AGPAT4: variants seen among roughly 807,000 people sequenced by gnomAD.
The protein encoded by AGPAT4 is 1-acyl-sn-glycerol-3-phosphate acyltransferase delta.
A neutral mutation model predicts 48.0 loss-of-function variants in AGPAT4; 15 were observed. The observed-to-expected ratio is 0.31, with a 90% CI of 0.21 to 0.48. The LOEUF is 0.48. AGPAT4 is among the 20% of genes least tolerant of loss of function. AGPAT4 has a pLI of 0.99. For synonymous variants in AGPAT4, 178 were observed against 198.7 expected (o/e 0.90, Z 0.88); for missense variants, 314 against 482.5 (o/e 0.65, Z 3.27).
rs1286652960 is a variant in AGPAT4 at position 161,218,505 on chromosome 6, A to G, written c.178+13531T>C. On this transcript the variant is annotated intron_variant, in intron 2 of 8. Transcript: ENST00000320285. This position sits in a 1 kb window ranked among gnomAD's most constrained non-coding sequence, Gnocchi z 4.7. The stretch of plus-strand genomic sequence containing the variant: ...TACAATTTATTTCCCTCATCTTACA[A>G]TTAAAAAACCAAACCCAGGTAAGTT... 1.3e-5 allele frequency among the ~76,000 whole-genome samples: 2 copies of G among 152,186 alleles called. No individual in the cohort carries two copies.
In AGPAT4 at chr6:161,161,102, G is replaced by C. The variant is rs1043707934; in HGVS notation, c.348+5146C>G. On this transcript the variant is annotated intron_variant, in intron 3 of 8. Coordinates refer to ENST00000320285, the MANE Select transcript of AGPAT4 (RefSeq NM_020133.3). The surrounding 1 kb of genome is among the most constrained non-coding windows in gnomAD (Gnocchi z 4.6). ...GCTGTGACCGTTTGCTGAGGGCTGCGCACAGAGGAGGAGGAAGCCCCAAGC... is the reference window on the plus strand; with the variant it reads ...GCTGTGACCGTTTGCTGAGGGCTGCCCACAGAGGAGGAGGAAGCCCCAAGC... 2.2e-6 allele frequency: 1 copy of C among 456,694 alleles called. No individual in the cohort carries two copies. Among genetic ancestry groups the C allele is most frequent in the Admixed American group, 2.3e-5 (1 of 42,578 alleles). The allele number at this position is 456,694 out of a possible 1,614,324, so 28.3% of individuals were successfully genotyped here. A position where few individuals can be genotyped will look rare whatever the true frequency, so the allele number is the denominator to read the frequency against.
intron 8 of AGPAT4, 104 bp from the exon 9 acceptor site, chr6:161,136,738 C>A: frequency 1.0e-6 from 1 of 962,392 alleles, no homozygotes. Flanking sequence ...TCACAAGCGC[C>A]AGCTCAGAGC....
At chr6:161,203,025 C>T (rs1435187418) in intron 2 of AGPAT4, among the ~76,000 whole-genome samples, 2 of 152,202 alleles carry the variant, frequency 1.3e-5, no homozygotes, top group Non-Finnish European at 1.5e-5. Context: ...AACCAGGCAT[C>T]CTGGAGCACA....
Position 161,136,246 on chromosome 6 carries a change from A to T in AGPAT4, c.*294T>A. On this transcript the variant is annotated 3_prime_UTR_variant, in exon 9 of 9. Coordinates refer to ENST00000320285, the MANE Select transcript of AGPAT4 (RefSeq NM_020133.3). Reference sequence around the variant, plus strand: ...CCAGCCCTGCCCTCCCCTGCAGCCTAAAATACCCTTTCTATGATCACAGAA... The same window carrying T: ...CCAGCCCTGCCCTCCCCTGCAGCCTTAAATACCCTTTCTATGATCACAGAA... 1 of 383,160 alleles carries T rather than the reference A, an allele frequency of 2.6e-6. No individual in the cohort carries two copies. Among genetic ancestry groups the T allele is most frequent in the Non-Finnish European group, 4.8e-6 (1 of 206,782 alleles). 23.7% of individuals were successfully genotyped at this position (383,160 alleles called of 1,614,324 possible). A position where few individuals can be genotyped will look rare whatever the true frequency, so the allele number is the denominator to read the frequency against.
At position 161,225,256 on chromosome 6, in the gene AGPAT4, C is replaced by T. The variant is rs1442316904; in HGVS notation, c.178+6780G>A. Among the ~76,000 whole-genome samples the T allele has an allele frequency of 6.6e-6, 1 of 152,206 alleles. No homozygotes were observed. ...TCCCGCCAAACCACTCACCCCGTCACTCTCTTTAAATTAGCCAATCAGAAT... is the reference window on the plus strand; with the variant it reads ...TCCCGCCAAACCACTCACCCCGTCATTCTCTTTAAATTAGCCAATCAGAAT... On this transcript the variant is annotated intron_variant, in intron 2 of 8. Transcript: ENST00000320285. This position sits in a 1 kb window ranked among gnomAD's most constrained non-coding sequence, Gnocchi z 5.0.
rs1781046412 is a variant in AGPAT4 at position 161,195,573 on chromosome 6, C to T, written c.179-29156G>A. 6.6e-6 allele frequency among the ~76,000 whole-genome samples: 1 copy of T among 152,194 alleles called. No individual in the cohort carries two copies. The highest frequency in any genetic ancestry group is 1.5e-5 in the Non-Finnish European group (1 of 68,038). On this transcript the variant is annotated intron_variant, in intron 2 of 8. Transcript: ENST00000320285. The surrounding 1 kb of genome is among the most constrained non-coding windows in gnomAD (Gnocchi z 5.0). ...AGTTCACTCAGCAAGCCCATGATGCCTGTAGTATAAAAGCAAATGTTGCAG... is the reference window on the plus strand; with the variant it reads ...AGTTCACTCAGCAAGCCCATGATGCTTGTAGTATAAAAGCAAATGTTGCAG...
rs1461928599 is a variant in AGPAT4 at position 161,141,798 on chromosome 6, C to T, written c.844-2178G>A. On this transcript the variant is annotated intron_variant, in intron 7 of 8. Transcript: ENST00000320285. The surrounding 1 kb of genome is among the most constrained non-coding windows in gnomAD (Gnocchi z 6.7). ...TGCTAGGCCAAGATTGTTTTATTTG[C>T]ACCTCTAGCAAGAAGAAAAAAGCAC... is the stretch of plus-strand genomic sequence containing the variant. Among the ~76,000 whole-genome samples the T allele has an allele frequency of 1.3e-5, 2 of 152,154 alleles. No individual in the cohort carries two copies.
intron 2 of AGPAT4, among the ~76,000 whole-genome samples, chr6:161,199,398 T>G (rs765834343): frequency 2.6e-5 from 4 of 152,208 alleles, no homozygotes; most frequent in Admixed American, 6.5e-5. Flanking sequence ...CCCAGTTATC[T>G]AATCAAATAC....
In AGPAT4 at chr6:161,171,390, T is replaced by C. The variant is rs567621865; in HGVS notation, c.179-4973A>G. Among the ~76,000 whole-genome samples the C allele has an allele frequency of 6.6e-5, 10 of 152,318 alleles. No individual in the cohort carries two copies. In the East Asian group the frequency reaches 1.7e-3, roughly 26 times the overall value. ...GGGCTGCATCTGGCAAGGTCCTTCTTGCTGTGTCATCCCATAGGGGAAGGC... is the reference window on the plus strand; with the variant it reads ...GGGCTGCATCTGGCAAGGTCCTTCTCGCTGTGTCATCCCATAGGGGAAGGC... On this transcript the variant is annotated intron_variant, in intron 2 of 8. Transcript: ENST00000320285. This position sits in a 1 kb window ranked among gnomAD's most constrained non-coding sequence, Gnocchi z 4.4.
At chr6:161,160,769 C>T (rs1425550522) in intron 3 of AGPAT4, 5 of 348,604 alleles carry the variant, frequency 1.4e-5, no homozygotes, top group Non-Finnish European at 2.8e-5. Context: ...CACAGGTCCT[C>T]AAGGCCCCTT....
intron 5 of AGPAT4, among the ~76,000 whole-genome samples, chr6:161,150,559 C>A (rs1373382772): frequency 6.6e-6 from 1 of 152,236 alleles, no homozygotes; most frequent in East Asian, 1.9e-4. Flanking sequence ...CAATAAATCA[C>A]CATCTGTTTT....
rs370525497 is a variant in AGPAT4, at chr6:161,132,637, C to T, written c.*3903G>A. On this transcript the variant is annotated 3_prime_UTR_variant, in exon 9 of 9. Coordinates refer to ENST00000320285, the MANE Select transcript of AGPAT4 (RefSeq NM_020133.3). Reference sequence around the variant, plus strand: ...AAGAATCAGAAAGCATGGTGGAGTCCGAAAGCATTGGCAAAGCCAGCACAT... The same window carrying T: ...AAGAATCAGAAAGCATGGTGGAGTCTGAAAGCATTGGCAAAGCCAGCACAT... 3.3e-5 allele frequency: 5 copies of T among 152,292 alleles called. No individual in the cohort carries two copies. The highest frequency in any genetic ancestry group is 1.2e-4 in the African/African-American group (5 of 41,466). 9.4% of individuals were successfully genotyped at this position (152,292 alleles called of 1,614,324 possible).
At chr6:161,175,567 T>C (rs1780405741) in intron 2 of AGPAT4, among the ~76,000 whole-genome samples, 1 of 152,182 alleles carries the variant, frequency 6.6e-6, no homozygotes. Context: ...ATCAATTTTG[T>C]TGATCTTTTC....
At chr6:161,188,767 TG>T (rs369956221) in intron 2 of AGPAT4, among the ~76,000 whole-genome samples, 7 of 152,256 alleles carry the variant, frequency 4.6e-5, no homozygotes, top group African/African-American at 1.7e-4. Flanking sequence ...GGGGAGGAAC[TG>T]AACAGGGCAC....
chr6:161,228,814 C>T (rs540583386), intron 2 of AGPAT4, among the ~76,000 whole-genome samples: 82 of 152,186 alleles, frequency 5.4e-4, no homozygotes, highest in Admixed American at 1.6e-3. Context: ...TCCATCCTCC[C>T]TTCCTCCTTC....
In AGPAT4 at chr6:161,245,336, G is replaced by T. The variant is rs1251165877; in HGVS notation, c.-89-13034C>A. ...GAGACTTCAGGAGGTGATGGATGTG[G>T]AAGCCTTCTGCAGGGCAGATGCTTA... On this transcript the variant is annotated intron_variant, in intron 1 of 8. Coordinates refer to ENST00000320285, the MANE Select transcript of AGPAT4 (RefSeq NM_020133.3). This position sits in a 1 kb window ranked among gnomAD's most constrained non-coding sequence, Gnocchi z 5.2. 6.6e-6 allele frequency among the ~76,000 whole-genome samples: 1 copy of T among 152,252 alleles called. No individual in the cohort carries two copies. The highest frequency in any genetic ancestry group is 6.5e-5 in the Admixed American group (1 of 15,286).
At chr6:161,273,759 G>A (rs1465572258) in intron 1 of AGPAT4, among the ~76,000 whole-genome samples, 179 bp downstream of exon 1, 1 of 150,926 alleles carries the variant, frequency 6.6e-6, no homozygotes, top group East Asian at 2.0e-4. Context: ...CTCCCTCCAG[G>A]CGCCCCCTGC....
rs1779229558 is a variant in AGPAT4, at chr6:161,140,909, T to C, written c.844-1289A>G. ...GGGTCACAGTGAGGCCCAGTTTGTG[T>C]CCCATGAACTAGCCTAGTAATGTCC... On this transcript the variant is annotated intron_variant, in intron 7 of 8. Transcript: ENST00000320285. This position sits in a 1 kb window ranked among gnomAD's most constrained non-coding sequence, Gnocchi z 6.5. Among the ~76,000 whole-genome samples the C allele has an allele frequency of 6.6e-6, 1 of 152,200 alleles. No homozygotes were observed. Among genetic ancestry groups the C allele is most frequent in the Admixed American group, 6.5e-5 (1 of 15,286 alleles).
In AGPAT4 at chr6:161,233,376, G is replaced by A. The variant is rs1782180545; in HGVS notation, c.-89-1074C>T. Among the ~76,000 whole-genome samples the A allele has an allele frequency of 6.6e-6, 1 of 152,190 alleles. No individual in the cohort carries two copies. The highest frequency in any genetic ancestry group is 2.1e-4 in the South Asian group (1 of 4,836). ...CTTTTCCTGGAAGCAGAAGAGCCTG[G>A]CAGACTACCCCAGGAAGACGTCTAA... On this transcript the variant is annotated intron_variant, in intron 1 of 8. Transcript: ENST00000320285. This position sits in a 1 kb window ranked among gnomAD's most constrained non-coding sequence, Gnocchi z 5.4.
Sources: gnomAD v4.1 joint callset for allele counts (sites outside exome capture counted in the v4.1 genomes callset) on GRCh38, gnomAD v4.1.1 for gene constraint, Gnocchi (gnomAD v3.1) non-coding constraint, MANE v1.5 for transcripts, NCBI Gene and HGNC (gene_info 2026-07-23, HGNC 2026-07-21) for gene names.